TSPAN18: variants seen among roughly 807,000 people sequenced by gnomAD.
TSPAN18 encodes tetraspanin-18.
Under a neutral mutation model 27.3 loss-of-function variants are expected in TSPAN18, and 14 were observed. That is an observed-to-expected ratio of 0.51 (90% CI 0.34 to 0.80). The LOEUF is 0.80. TSPAN18 is among the 30% of genes least tolerant of loss of function. TSPAN18 has a pLI of 0.01. For synonymous variants in TSPAN18, 143 were observed against 136.5 expected (o/e 1.05, Z -0.33); for missense variants, 268 against 323.9 (o/e 0.83, Z 1.32).
chr11:44,777,244 T>A (rs1422774494), intron 2 of TSPAN18, among the ~76,000 whole-genome samples: 1 of 152,168 alleles, frequency 6.6e-6, no homozygotes, highest in Non-Finnish European at 1.5e-5. Context: ...TTTTTTTCCA[T>A]ATCAAGGGAT....
chr11:44,831,081 C>T (rs573866217), intron 2 of TSPAN18, among the ~76,000 whole-genome samples: 3 of 152,252 alleles, frequency 2.0e-5, no homozygotes, highest in East Asian at 1.9e-4. Context: ...CCACTGCATT[C>T]CAGCCTGGGC....
intron 2 of TSPAN18, among the ~76,000 whole-genome samples, chr11:44,813,436 C>A (rs571564428): frequency 3.3e-5 from 5 of 152,312 alleles, no homozygotes; most frequent in African/African-American, 1.2e-4. Flanking sequence ...ATATAAAGTG[C>A]CTGGCACAGT....
intron 3 of TSPAN18, among the ~76,000 whole-genome samples, chr11:44,875,690 T>G (rs1416695208): frequency 6.6e-6 from 1 of 152,232 alleles, no homozygotes; most frequent in African/African-American, 2.4e-5. Flanking sequence ...CCCAGCTCAG[T>G]CATTTCTAGC....
At chr11:44,732,651 G>T (rs1449819097) in intron 1 of TSPAN18, among the ~76,000 whole-genome samples, 1 of 152,112 alleles carries the variant, frequency 6.6e-6, no homozygotes, top group African/African-American at 2.4e-5. Context: ...ATGAGTAAGA[G>T]TTTTTTGGGA....
At chr11:44,741,447 ATGTGTGTGTG>A (rs58865710) in intron 1 of TSPAN18, among the ~76,000 whole-genome samples, 2 of 147,384 alleles carry the variant, frequency 1.4e-5, no homozygotes, top group South Asian at 2.2e-4. Context: ...TCAGACATGT[ATGTGTGTGTG>A]TGTGTGTGTG....
At chr11:44,764,235 A>T (rs1855515847) in intron 1 of TSPAN18, among the ~76,000 whole-genome samples, 191 bp from the exon 2 acceptor site, 1 of 152,138 alleles carries the variant, frequency 6.6e-6, no homozygotes, top group South Asian at 2.1e-4. Context: ...GGGAATTATG[A>T]TTCAATTTGA....
intron 2 of TSPAN18, among the ~76,000 whole-genome samples, chr11:44,774,694 T>C (rs1425882727): frequency 1.3e-5 from 2 of 152,060 alleles, no homozygotes. Flanking sequence ...TCACTAGGCA[T>C]CCACTGGGGT....
intron 3 of TSPAN18, among the ~76,000 whole-genome samples, chr11:44,869,977 G>A (rs896949749): frequency 3.5e-5 from 5 of 141,736 alleles, no homozygotes; most frequent in African/African-American, 1.1e-4. Context: ...TGTGACCTCA[G>A]GCCTCAGCCC....
At chr11:44,784,280 G>C (rs1378660621) in intron 2 of TSPAN18, among the ~76,000 whole-genome samples, 1 of 152,172 alleles carries the variant, frequency 6.6e-6, no homozygotes, top group Non-Finnish European at 1.5e-5. Flanking sequence ...GGGGCTCCCA[G>C]TGACATATGA....
At chr11:44,896,207 C>T (rs912695580) in intron 3 of TSPAN18, among the ~76,000 whole-genome samples, 3 of 151,990 alleles carry the variant, frequency 2.0e-5, no homozygotes, top group African/African-American at 7.3e-5. Context: ...CCTGTGGTAG[C>T]CTGCCTCGTG....
At chr11:44,863,618 G>C (rs4755906) in intron 3 of TSPAN18, among the ~76,000 whole-genome samples, 57,942 of 152,092 alleles carry the variant, frequency 0.38, 12,234 homozygotes, top group African/African-American at 0.57. Context: ...CCCTGGGCTG[G>C]AAGTTGGGAG....
At chr11:44,728,214 G>C (rs1854565758) in intron 1 of TSPAN18, among the ~76,000 whole-genome samples, 3 of 152,246 alleles carry the variant, frequency 2.0e-5, no homozygotes, top group Admixed American at 2.0e-4. Context: ...CTGCGCCGTG[G>C]GCTGGAAAGG....
chr11:44,810,825 T>C (rs942798058), intron 2 of TSPAN18, among the ~76,000 whole-genome samples: 2 of 151,950 alleles, frequency 1.3e-5, no homozygotes, highest in South Asian at 4.2e-4. Flanking sequence ...CCCAGGCTAG[T>C]CTCGAACTCC....
chr11:44,897,239 T>C (rs1446366132), intron 3 of TSPAN18, among the ~76,000 whole-genome samples: 1 of 152,192 alleles, frequency 6.6e-6, no homozygotes, highest in African/African-American at 2.4e-5. Context: ...GCTGGCCCTC[T>C]GAAGGAACCT....
At chr11:44,785,263 G>T (rs903474089) in intron 2 of TSPAN18, among the ~76,000 whole-genome samples, 1 of 152,170 alleles carries the variant, frequency 6.6e-6, no homozygotes. Context: ...TCTGCCTGAA[G>T]TCACCTTTTT....
intron 2 of TSPAN18, among the ~76,000 whole-genome samples, chr11:44,782,604 T>G (rs1040449520): frequency 1.3e-5 from 2 of 151,810 alleles, no homozygotes; most frequent in Non-Finnish European, 2.9e-5. Context: ...TCCAAAATGC[T>G]TGTATTGTTT....
intron 7 of TSPAN18, chr11:44,919,605 A>G: frequency 1.6e-6 from 1 of 619,882 alleles, no homozygotes; most frequent in Non-Finnish European, 2.9e-6. Context: ...TGAGGTAGGA[A>G]TTGTTACTGC....
intron 3 of TSPAN18, among the ~76,000 whole-genome samples, chr11:44,891,458 T>C (rs1858848203): frequency 6.6e-6 from 1 of 152,326 alleles, no homozygotes; most frequent in East Asian, 1.9e-4. Flanking sequence ...AGGACCTGTA[T>C]GCCTTTAGTT....
chr11:44,913,198 T>C (rs1307973256), intron 5 of TSPAN18, among the ~76,000 whole-genome samples: 1 of 152,160 alleles, frequency 6.6e-6, no homozygotes, highest in Middle Eastern at 3.2e-3. Context: ...AAAGAGTGAC[T>C]TTAGTCAGCC....
Sources: allele counts gnomAD v4.1 joint callset (sites outside exome capture counted in the v4.1 genomes callset), GRCh38; gene constraint gnomAD v4.1.1; transcripts MANE v1.5; gene names NCBI Gene and HGNC (gene_info 2026-07-23, HGNC 2026-07-21).